RSF1: variants seen among roughly 807,000 people sequenced by gnomAD.
RSF1 encodes the protein remodeling and spacing factor 1, also known as HBV pX-associated protein 8.
Under a neutral mutation model 145.2 loss-of-function variants are expected in RSF1, and 13 were observed. The observed-to-expected ratio is 0.09, with a 90% confidence interval of 0.06 to 0.14. RSF1 has a LOEUF of 0.14. RSF1 is among the 10% of genes least tolerant of loss of function. The pLI is 1.00. For synonymous variants in RSF1, 577 were observed against 592.6 expected, an observed-to-expected ratio of 0.97 and a Z score of 0.38; for missense variants, 1,517 against 1,718.2, an observed-to-expected ratio of 0.88 and a Z score of 2.07.
Position 77,662,406 on chromosome 11 carries a change from CA to C in RSF1, c.*4510del, listed in dbSNP as rs1959251313. 1 of 151,986 alleles carries C rather than the reference CA, an allele frequency of 6.6e-6. No homozygotes were observed. 9.4% of individuals were successfully genotyped at this position (151,986 alleles called of 1,614,324 possible). A position where few individuals can be genotyped will look rare whatever the true frequency, so the allele number is the denominator to read the frequency against. On this transcript the variant is annotated 3_prime_UTR_variant, in exon 16 of 16. Transcript: ENST00000308488. ...CCAGGAGGGTTTGCATGAATGAATA[CA>C]AAAAGTGGTGAGTGTATACTCTAAA... is the stretch of plus-strand genomic sequence containing the variant.
chr11:77,699,423 A>AACTTAAAAAC (rs1230610401), intron 6 of RSF1, among the ~76,000 whole-genome samples: 4 of 152,088 alleles, frequency 2.6e-5, no homozygotes, highest in Non-Finnish European at 5.9e-5. Context: ...CAAAAGAAGA[A>AACTTAAAAAC]AACATTAAAA....
At chr11:77,795,153 C>G (rs773387728) in intron 1 of RSF1, among the ~76,000 whole-genome samples, 1 of 152,106 alleles carries the variant, frequency 6.6e-6, no homozygotes, top group Non-Finnish European at 1.5e-5. Context: ...GGTAAAAGAT[C>G]TCTACAAGCA....
At chr11:77,713,635 ATCT>A (rs1307282031) in intron 5 of RSF1, among the ~76,000 whole-genome samples, 1 of 151,854 alleles carries the variant, frequency 6.6e-6, no homozygotes, top group Non-Finnish European at 1.5e-5. Flanking sequence ...TATCTCTTGG[ATCT>A]TCTTTGCCTA....
chr11:77,698,471 T>C lies in RSF1; in HGVS notation c.2715+16A>G. 6.2e-7 allele frequency: 1 copy of C among 1,609,940 alleles called. No homozygotes were observed. The highest frequency in any genetic ancestry group is 2.2e-5 in the East Asian group (1 of 44,830). On this transcript the variant is annotated intron_variant, in intron 7 of 15. Transcript: ENST00000308488. Reference sequence around the variant, plus strand: ...GTCTGTAATATGAGTATTCTTCATTTACATCAGGTACATACTAGCTCAGGA... The same window carrying C: ...GTCTGTAATATGAGTATTCTTCATTCACATCAGGTACATACTAGCTCAGGA...
chr11:77,785,839 T>C (rs975412341), intron 1 of RSF1, among the ~76,000 whole-genome samples: 9 of 130,360 alleles, frequency 6.9e-5, no homozygotes, highest in Non-Finnish European at 3.1e-5. Context: ...GGCAGGAGAA[T>C]GGCGTGAACC....
chr11:77,800,141 C>T (rs1046401147), intron 1 of RSF1, among the ~76,000 whole-genome samples: 4 of 151,936 alleles, frequency 2.6e-5, no homozygotes, highest in African/African-American at 4.8e-5. Context: ...ACCTGGGTGA[C>T]GTGGCAAGAC....
At chr11:77,745,753 T>C (rs1947993037) in intron 3 of RSF1, among the ~76,000 whole-genome samples, 1 of 151,454 alleles carries the variant, frequency 6.6e-6, no homozygotes, top group African/African-American at 2.4e-5. Context: ...ATGTATTTTG[T>C]ATGATTAGGG....
Position 77,766,697 on chromosome 11 carries a change from A to C in RSF1, c.188-2008T>G, listed in dbSNP as rs567212919. On this transcript the variant is annotated intron_variant, in intron 1 of 15. Coordinates refer to ENST00000308488, the MANE Select transcript of RSF1 (RefSeq NM_016578.4). ...TGGAGGAATGGACATAGATAATTAC[A>C]GCCTAATGAGGCCAGGCTCAGAAGT... is the stretch of plus-strand genomic sequence containing the variant. Among the ~76,000 whole-genome samples the C allele has an allele frequency of 9.7e-4, 148 of 152,376 alleles. No individual in the cohort carries two copies. In the South Asian group the frequency reaches 0.014, roughly 15 times the overall value.
At chr11:77,845,459 A>G in the RSF1 span, among the ~76,000 whole-genome samples, 1 of 150,954 alleles carries the variant, frequency 6.6e-6, no homozygotes, top group East Asian at 1.9e-4. Flanking sequence ...GGGATAGACT[A>G]TTGCTCTGTC....
intron 1 of RSF1, among the ~76,000 whole-genome samples, chr11:77,793,649 G>A (rs1449298760): frequency 2.6e-5 from 4 of 152,208 alleles, no homozygotes; most frequent in Admixed American, 6.5e-5. Context: ...ATGGATGTGA[G>A]GGTGATCTGG....
chr11:77,772,161 T>C (rs1035392892), intron 1 of RSF1, among the ~76,000 whole-genome samples: 1 of 152,090 alleles, frequency 6.6e-6, no homozygotes. Context: ...AATGTATTTG[T>C]ACATTTTGTT....
chr11:77,765,655 C>G (rs894349163), intron 1 of RSF1, among the ~76,000 whole-genome samples: 1 of 152,206 alleles, frequency 6.6e-6, no homozygotes, highest in African/African-American at 2.4e-5. Context: ...TGTAAACAAT[C>G]AGAGTTCCTC....
In RSF1 at chr11:77,794,081, T is replaced by C. The variant is rs547489186; in HGVS notation, c.187+26447A>G. ...AACAGAGAGACAGACTCCAGTATAATAACAGTGAGGGACTTCAACATTCCA... is the reference window on the plus strand; with the variant it reads ...AACAGAGAGACAGACTCCAGTATAACAACAGTGAGGGACTTCAACATTCCA... On this transcript the variant is annotated intron_variant, in intron 1 of 15. Transcript: ENST00000308488. Among the ~76,000 whole-genome samples the C allele has an allele frequency of 1.2e-4, 19 of 152,174 alleles. No homozygotes were observed. The South Asian group carries it at 1.7e-3, about 13-fold the overall frequency.
chr11:77,767,994 T>G (rs1948243634), intron 1 of RSF1, among the ~76,000 whole-genome samples: 2 of 152,146 alleles, frequency 1.3e-5, no homozygotes, highest in African/African-American at 2.4e-5. Flanking sequence ...TTTAAAAGAG[T>G]ACTGGCTCTT....
intron 9 of RSF1, among the ~76,000 whole-genome samples, chr11:77,688,761 A>C (rs1018822474): frequency 2.0e-5 from 3 of 152,210 alleles, no homozygotes; most frequent in African/African-American, 7.2e-5. Context: ...CCCTGTGTTC[A>C]AACAAAAGAA....
intron 5 of RSF1, among the ~76,000 whole-genome samples, chr11:77,711,130 C>T (rs1298395927): frequency 1.4e-5 from 2 of 140,616 alleles, no homozygotes; most frequent in South Asian, 2.3e-4. Flanking sequence ...CTGACCCCCA[C>T]ACATTTTTAA....
chr11:77,718,123 A>G (rs1377767149), intron 5 of RSF1: 3 of 152,256 alleles, frequency 2.0e-5, no homozygotes, highest in African/African-American at 4.8e-5. Context: ...TCTGACCAAC[A>G]TGGAGAAACC....
intron 1 of RSF1, among the ~76,000 whole-genome samples, chr11:77,777,777 G>A (rs1364351563): frequency 1.3e-5 from 2 of 151,664 alleles, no homozygotes; most frequent in Admixed American, 6.6e-5. Context: ...ATCAACCCAG[G>A]AGTTCAAGAC....
upstream of RSF1, among the ~76,000 whole-genome samples, chr11:77,822,467 T>TA (rs200642641): frequency 5.0e-3 from 696 of 139,082 alleles, 6 homozygotes; most frequent in African/African-American, 0.018. Flanking sequence ...ACAAACCATG[T>TA]AAAAAAGAGA....
Sources: allele counts gnomAD v4.1 joint callset (sites outside exome capture counted in the v4.1 genomes callset), GRCh38; gene constraint gnomAD v4.1.1; transcripts MANE v1.5; gene names NCBI Gene and HGNC (gene_info 2026-07-23, HGNC 2026-07-21).